The following TXNDC8 variants were observed in gnomAD, a reference collection of about 807,000 sequenced individuals.
The protein encoded by TXNDC8 is thioredoxin domain-containing protein 8.
In TXNDC8, 15 loss-of-function variants were observed where a neutral mutation model predicts 12.9. That is an observed-to-expected ratio of 1.16 (90% confidence interval 0.78 to 1.79). The LOEUF (loss-of-function observed/expected upper bound fraction) is 1.79. Among genes scored for constraint, TXNDC8 ranks in the 40% most tolerant of loss-of-function variants. TXNDC8 has a pLI of 0.00. For missense variants in TXNDC8, 128 were observed against 113.2 expected, an observed-to-expected ratio of 1.13 and a Z score of -0.59; for synonymous variants, 40 against 35.4, an observed-to-expected ratio of 1.13 and a Z score of -0.46.
intron 3 of TXNDC8, among the ~76,000 whole-genome samples, chr9:110,305,783 CTTTTCTTTCTTTTCTTTTCTTTT>C (rs1838440456): frequency 1.2e-5 from 1 of 85,326 alleles, no homozygotes; most frequent in Non-Finnish European, 2.4e-5. Context: ...CTTTTCTTTT[CTTTTCTTTCTTTTCTTTTCTTTT>C]CTTTCCTTTC....
chr9:110,325,866 A>G (rs1040458116), intron 3 of TXNDC8, among the ~76,000 whole-genome samples: 12 of 152,166 alleles, frequency 7.9e-5, no homozygotes, highest in Non-Finnish European at 1.5e-4. Flanking sequence ...TCTTTCTCTG[A>G]AAAGAGTCTT....
intron 2 of TXNDC8, among the ~76,000 whole-genome samples, chr9:110,331,360 C>T (rs1021044621): frequency 2.0e-5 from 3 of 152,254 alleles, no homozygotes; most frequent in Non-Finnish European, 2.9e-5. Context: ...GGTTCTTTAA[C>T]TCCCAATCAT....
At chr9:110,318,645 G>A (rs2118787032) in intron 3 of TXNDC8, among the ~76,000 whole-genome samples, 1 of 152,238 alleles carries the variant, frequency 6.6e-6, no homozygotes, top group East Asian at 1.9e-4. Context: ...GGCTGAGGCA[G>A]GAGAATGGCG....
At chr9:110,325,043 C>T (rs566574634) in intron 3 of TXNDC8, among the ~76,000 whole-genome samples, 20 of 151,984 alleles carry the variant, frequency 1.3e-4, no homozygotes, top group Admixed American at 2.0e-4. Flanking sequence ...ACCCAGGAGG[C>T]GGAGGTTGCA....
At chr9:110,322,914 ACCT>A (rs1839165080) in intron 3 of TXNDC8, 1 of 985,296 alleles carries the variant, frequency 1.0e-6, no homozygotes, top group Non-Finnish European at 1.2e-6. Context: ...ATCAGACATG[ACCT>A]CCTTCAGGTG....
intron 3 of TXNDC8, among the ~76,000 whole-genome samples, chr9:110,320,378 C>T (rs1013287871): frequency 6.6e-6 from 1 of 152,170 alleles, no homozygotes; most frequent in Non-Finnish European, 1.5e-5. Flanking sequence ...CCTGCATGCA[C>T]CCTCTTGCCT....
rs577525881 is a variant in TXNDC8 at position 110,329,141 on chromosome 9, T to A, written c.130-2901A>T. On this transcript the variant is annotated intron_variant, in intron 2 of 4. Transcript: ENST00000423740. Reference sequence around the variant, plus strand: ...TGTAAAATTCTAGTTGATTTTAAATTGGTCATGTATTAATAATTACTGAGA... The same window carrying A: ...TGTAAAATTCTAGTTGATTTTAAATAGGTCATGTATTAATAATTACTGAGA... 8 of 1,057,582 alleles carry A rather than the reference T, an allele frequency of 7.6e-6. No homozygotes were observed. The South Asian group carries it at 1.1e-4, about 15-fold the overall frequency. 65.5% of individuals were successfully genotyped at this position (1,057,582 alleles called of 1,614,324 possible). A position where few individuals can be genotyped will look rare whatever the true frequency, so the allele number is the denominator to read the frequency against.
chr9:110,330,781 T>G (rs1219509887), intron 2 of TXNDC8, among the ~76,000 whole-genome samples: 1 of 152,216 alleles, frequency 6.6e-6, no homozygotes, highest in Non-Finnish European at 1.5e-5. Context: ...GTGACAGAGA[T>G]CATATGGCCT....
At position 110,303,694 on chromosome 9, in the gene TXNDC8, A is replaced by G. The variant is rs2274482; in HGVS notation, c.276T>C (p.Asp92=). The G allele has an allele frequency of 3.0e-4, 487 of 1,597,588 alleles. 3 individuals are homozygous for G. In the East Asian group the frequency reaches 9.0e-3, roughly 30 times the overall value. Reference sequence around the variant, plus strand: ...GAAAAGTTAAATCCTACTCATTTCCATCATCTGCAAGACACTTTAAATATA... The same window carrying G: ...GAAAAGTTAAATCCTACTCATTTCCGTCATCTGCAAGACACTTTAAATATA... The change falls in exon 5 of 5, where the codon GAT becomes GAC. Residue 92 remains aspartate (D), a synonymous_variant. Transcript: ENST00000423740.
chr9:110,305,613 TTTCTTCCTTC>T (rs1838425890), intron 3 of TXNDC8, among the ~76,000 whole-genome samples: 2 of 148,592 alleles, frequency 1.3e-5, no homozygotes, highest in Non-Finnish European at 3.0e-5. Flanking sequence ...TTTCTTTCTT[TTTCTTCCTTC>T]CTTCCTTTCT....
intron 1 of TXNDC8, 118 bp downstream of exon 1, chr9:110,337,655 C>G (rs1324054529): frequency 1.1e-6 from 1 of 944,550 alleles, no homozygotes. Context: ...AGAACTCTCC[C>G]CTTGCTACAA....
intron 3 of TXNDC8, among the ~76,000 whole-genome samples, chr9:110,310,437 C>G (rs1454077839): frequency 2.0e-5 from 3 of 151,882 alleles, no homozygotes; most frequent in African/African-American, 7.3e-5. Context: ...AACAGGTTAT[C>G]AAGAATTTGA....
chr9:110,336,790 G>A (rs1237759696), intron 1 of TXNDC8, among the ~76,000 whole-genome samples: 1 of 152,030 alleles, frequency 6.6e-6, no homozygotes, highest in East Asian at 1.9e-4. Flanking sequence ...TAGGAAGGAA[G>A]AATGGGGGTT....
At chr9:110,316,374 A>G (rs35308623) in intron 3 of TXNDC8, among the ~76,000 whole-genome samples, 8,378 of 152,238 alleles carry the variant, frequency 0.055, 283 homozygotes, top group Middle Eastern at 0.095. Flanking sequence ...AGCAACATTA[A>G]TTACTGTTTG....
intron 3 of TXNDC8, among the ~76,000 whole-genome samples, chr9:110,307,887 T>C (rs1838522615): frequency 6.6e-6 from 1 of 152,256 alleles, no homozygotes; most frequent in African/African-American, 2.4e-5. Flanking sequence ...AGCTGTCCTC[T>C]AACCGTCTTG....
intron 3 of TXNDC8, among the ~76,000 whole-genome samples, chr9:110,307,226 T>TA (rs1838504073): frequency 6.6e-6 from 1 of 152,134 alleles, no homozygotes; most frequent in Non-Finnish European, 1.5e-5. Flanking sequence ...GTGCTGGGTT[T>TA]ACAGGCATAA....
At chr9:110,304,940 G>A (rs1243334486) in intron 3 of TXNDC8, among the ~76,000 whole-genome samples, 1 of 152,008 alleles carries the variant, frequency 6.6e-6, no homozygotes, top group Non-Finnish European at 1.5e-5. Flanking sequence ...TTGAGATCAG[G>A]AGTTTGAAAC....
rs1017222279 is a variant in TXNDC8, at chr9:110,322,738, A to C, written c.195+3437T>G. 2.0e-5 allele frequency: 20 copies of C among 985,362 alleles called. No homozygotes were observed. The South Asian group carries it at 9.4e-4, about 46-fold the overall frequency. 61.0% of individuals were successfully genotyped at this position (985,362 alleles called of 1,614,324 possible). A position where few individuals can be genotyped will look rare whatever the true frequency, so the allele number is the denominator to read the frequency against. On this transcript the variant is annotated intron_variant, in intron 3 of 4. Transcript: ENST00000423740. ...TGAACTGGAGAGAAACTTGCCCTGA[A>C]TCAGGTTGGTACCAGGACAGAATCA...
In TXNDC8 at chr9:110,323,706, G is replaced by A; in HGVS notation, c.195+2469C>T. On this transcript the variant is annotated intron_variant, in intron 3 of 4. Transcript: ENST00000423740. Reference sequence around the variant, plus strand: ...TCTATGGGGATAGTGTAGGCTTCAGGCATGGATAGATTCAGGGTGCAGTCA... The same window carrying A: ...TCTATGGGGATAGTGTAGGCTTCAGACATGGATAGATTCAGGGTGCAGTCA... 3.8e-6 allele frequency: 3 copies of A among 784,850 alleles called. No individual in the cohort carries two copies. The South Asian group carries it at 5.9e-5, about 15-fold the overall frequency. 48.6% of individuals were successfully genotyped at this position (784,850 alleles called of 1,614,324 possible).
Sources: allele counts gnomAD v4.1 joint callset (sites outside exome capture counted in the v4.1 genomes callset), GRCh38; gene constraint gnomAD v4.1.1; transcripts MANE v1.5; gene names NCBI Gene and HGNC (gene_info 2026-07-23, HGNC 2026-07-21).